PYROXD1: variants seen among roughly 807,000 people sequenced by gnomAD.
The protein encoded by PYROXD1 is tRNA ligase complex-associated NAD(P)H dehydrogenase PYROXD1.
A neutral mutation model predicts 62.0 loss-of-function variants in PYROXD1; 42 were observed. That is an observed-to-expected ratio of 0.68 (90% CI 0.53 to 0.88). The LOEUF is 0.88. Ranked by LOEUF, PYROXD1 falls within the 40% of genes least tolerant of loss-of-function variation. The pLI, the probability that PYROXD1 is intolerant of heterozygous loss-of-function variation, is 0.00. For missense variants in PYROXD1, 493 were observed against 604.8 expected, an observed-to-expected ratio of 0.82 and a Z score of 1.94; for synonymous variants, 170 against 206.4, an observed-to-expected ratio of 0.82 and a Z score of 1.51.
intron 11 of PYROXD1, 31 bp downstream of exon 11, chr12:21,467,649 C>G: frequency 6.5e-7 from 1 of 1,532,076 alleles, no homozygotes; most frequent in Non-Finnish European, 9.0e-7. Flanking sequence ...AATGCCTTCT[C>G]TGCTTGTTAG....
At chr12:21,438,206 T>C (rs899956590) in intron 1 of PYROXD1, 2 of 167,078 alleles carry the variant, frequency 1.2e-5, no homozygotes, top group African/African-American at 4.8e-5. Context: ...AGTGGTGCGA[T>C]CTTGGCTTAA....
At chr12:21,440,949 G>A (rs1942282308) in intron 2 of PYROXD1, among the ~76,000 whole-genome samples, 1 of 152,066 alleles carries the variant, frequency 6.6e-6, no homozygotes, top group South Asian at 2.1e-4. Context: ...TGTTAATGTG[G>A]TATATCACAT....
intron 5 of PYROXD1, 50 bp downstream of exon 5, chr12:21,452,204 T>A: frequency 2.5e-6 from 3 of 1,200,040 alleles, no homozygotes; most frequent in South Asian, 2.1e-5. Flanking sequence ...TTAAAAATAA[T>A]TTGTTTTTAA....
chr12:21,456,276 T>A (rs987117161), intron 7 of PYROXD1, among the ~76,000 whole-genome samples, 181 bp downstream of exon 7: 1 of 152,140 alleles, frequency 6.6e-6, no homozygotes, highest in African/African-American at 2.4e-5. Context: ...GAAAACTGAA[T>A]GTCAAAGCAT....
chr12:21,450,794 G>C (rs1054177135), intron 4 of PYROXD1, among the ~76,000 whole-genome samples: 4 of 152,140 alleles, frequency 2.6e-5, no homozygotes, highest in Non-Finnish European at 5.9e-5. Context: ...TATTATCAGA[G>C]ATTGAGCTCA....
In PYROXD1 at chr12:21,440,353, C is replaced by G. The variant is rs761968832; in HGVS notation, c.85-15C>G. 4 of 1,525,732 alleles carry G rather than the reference C, an allele frequency of 2.6e-6. No homozygotes were observed. The Admixed American group carries it at 5.6e-5, about 21-fold the overall frequency. The allele number at this position is 1,525,732 out of a possible 1,614,324, so 94.5% of individuals were successfully genotyped here. ...TAATTTGTCCTAATTTTTTTTCTCT[C>G]TTTTTAAAAATAAGTTGGCTACTCA... On this transcript the variant is annotated splice_polypyrimidine_tract_variant and intron_variant, in intron 1 of 11. Coordinates refer to ENST00000240651, the MANE Select transcript of PYROXD1 (RefSeq NM_024854.5).
intron 7 of PYROXD1, among the ~76,000 whole-genome samples, chr12:21,456,360 A>C (rs1942597406): frequency 6.6e-6 from 1 of 152,106 alleles, no homozygotes; most frequent in Non-Finnish European, 1.5e-5. Flanking sequence ...CATACCTTGG[A>C]GTATTGCAGG....
At chr12:21,458,992 A>G (rs1942648012) in intron 7 of PYROXD1, among the ~76,000 whole-genome samples, 1 of 152,212 alleles carries the variant, frequency 6.6e-6, no homozygotes, top group South Asian at 2.1e-4. Context: ...ATTTGTAAAA[A>G]ACACACTATC....
chr12:21,454,413 G>A (rs1420015840), intron 5 of PYROXD1, among the ~76,000 whole-genome samples: 1 of 151,960 alleles, frequency 6.6e-6, no homozygotes, highest in African/African-American at 2.4e-5. Context: ...CAGGTTAGGT[G>A]ATAAATTATG....
At chr12:21,456,288 G>A (rs4388943) in intron 7 of PYROXD1, among the ~76,000 whole-genome samples, 193 bp downstream of exon 7, 120 of 151,774 alleles carry the variant, frequency 7.9e-4, no homozygotes, top group African/African-American at 2.7e-3. Context: ...TCAAAGCATC[G>A]AAGACTGGAT....
intron 10 of PYROXD1, 49 bp from the exon 11 acceptor site, chr12:21,467,432 A>C: frequency 6.5e-7 from 1 of 1,533,754 alleles, no homozygotes; most frequent in Non-Finnish European, 8.8e-7. Flanking sequence ...CATTTTTCAG[A>C]TAATGATCAT....
At chr12:21,460,436 T>G (rs924953687) in intron 7 of PYROXD1, among the ~76,000 whole-genome samples, 3 of 150,948 alleles carry the variant, frequency 2.0e-5, no homozygotes, top group African/African-American at 7.3e-5. Flanking sequence ...TTTATTTATT[T>G]TTTTTGAGAC....
intron 5 of PYROXD1, among the ~76,000 whole-genome samples, chr12:21,453,943 G>C (rs1327958046): frequency 6.6e-6 from 1 of 151,990 alleles, no homozygotes; most frequent in Non-Finnish European, 1.5e-5. Context: ...AAATTTGTGT[G>C]TATTCCACTT....
At chr12:21,464,365 C>T (rs1189526737) in intron 10 of PYROXD1, among the ~76,000 whole-genome samples, 2 of 151,810 alleles carry the variant, frequency 1.3e-5, no homozygotes, top group African/African-American at 4.8e-5. Flanking sequence ...TTACTGTGCT[C>T]AGTTTATTCT....
chr12:21,467,163 T>C (rs1942810726), intron 10 of PYROXD1: 1 of 189,074 alleles, frequency 5.3e-6, no homozygotes, highest in Admixed American at 6.1e-5. Flanking sequence ...TGATGACAAA[T>C]TTTTGAAGAA....
rs4762826 is a variant in PYROXD1 at position 21,450,009 on chromosome 12, C to T, written c.414+318C>T. ...AGAAGCTGGGACTACAGGTGCCTGC[C>T]ACCACGCCTGGCTGATTTTTTTTTT... is the stretch of plus-strand genomic sequence containing the variant. On this transcript the variant is annotated intron_variant, in intron 4 of 11. Coordinates refer to ENST00000240651, the MANE Select transcript of PYROXD1 (RefSeq NM_024854.5). Among the ~76,000 whole-genome samples the T allele has an allele frequency of 0.39, 57,482 of 148,304 alleles. 11,267 individuals carry two copies. The highest frequency in any genetic ancestry group is 0.48 in the Middle Eastern group (135 of 284).
intron 2 of PYROXD1, among the ~76,000 whole-genome samples, chr12:21,442,967 C>T (rs756136640): frequency 2.6e-5 from 4 of 151,944 alleles, no homozygotes; most frequent in Non-Finnish European, 5.9e-5. Flanking sequence ...GTTTAATGGG[C>T]CGTTGAGCCC....
rs995459331 is a variant in PYROXD1, at chr12:21,471,242, TAAAG to T, written c.*2492_*2495del. ...TTTACAAGAATGCAAATAAAGCCTT[TAAAG>T]AAAATATTTTCGTTACTTTTTTTTA... On this transcript the variant is annotated 3_prime_UTR_variant, in exon 12 of 12. Coordinates refer to ENST00000240651, the MANE Select transcript of PYROXD1 (RefSeq NM_024854.5). The T allele has an allele frequency of 5.8e-6, 6 of 1,032,540 alleles. No homozygotes were observed. The African/African-American group carries it at 1.0e-4, about 17-fold the overall frequency. The allele number at this position is 1,032,540 out of a possible 1,614,324, so 64.0% of individuals were successfully genotyped here.
At chr12:21,456,888 G>A (rs1284931630) in intron 7 of PYROXD1, 2 of 454,704 alleles carry the variant, frequency 4.4e-6, no homozygotes, top group South Asian at 1.6e-5. Flanking sequence ...ATCCTCACCA[G>A]AAGTAAACTC....
Sources: gnomAD v4.1 joint callset for allele counts (sites outside exome capture counted in the v4.1 genomes callset) on GRCh38, gnomAD v4.1.1 for gene constraint, MANE v1.5 for transcripts, NCBI Gene and HGNC (gene_info 2026-07-23, HGNC 2026-07-21) for gene names.